Variants in SEC24B observed in about 807,000 individuals in gnomAD.
The protein encoded by SEC24B is protein transport protein Sec24B.
SEC24B carries 45 observed loss-of-function variants against 142.8 expected under a neutral mutation model. The ratio of observed to expected loss-of-function variants is 0.32; its 90% confidence interval spans 0.25 to 0.40. The LOEUF (loss-of-function observed/expected upper bound fraction) is 0.40, where lower values mean the gene tolerates loss of function less well. SEC24B is among the 10% of genes least tolerant of loss of function. The pLI, the probability that SEC24B is intolerant of heterozygous loss-of-function variation, is 1.00. For synonymous variants in SEC24B, 574 were observed against 568.2 expected (o/e 1.01, Z -0.15); for missense variants, 1,409 against 1,526.8 (o/e 0.92, Z 1.29).
intron 2 of SEC24B, among the ~76,000 whole-genome samples, chr4:109,468,711 A>C (rs1346875822): frequency 6.6e-6 from 1 of 152,224 alleles, no homozygotes; most frequent in African/African-American, 2.4e-5. Context: ...TTATTTATGC[A>C]GAAGACATGA....
rs949150896 is a variant in SEC24B, at chr4:109,521,437, G to T, written c.2319G>T (p.Leu773=). ...TTTCTCAGCTTATAAAAGACTTACT[G>T]AATGCATTACCAAACATGTTCACCA... ...YESKELIKDL[L]NALPNMFTNT... The change falls in exon 14 of 24, where the codon CTG becomes CTT. Residue 773 remains leucine, a synonymous_variant. Coordinates refer to ENST00000265175, the MANE Select transcript of SEC24B (RefSeq NM_006323.5). The T allele has an allele frequency of 6.2e-7, 1 of 1,613,612 alleles. No individual in the cohort carries two copies. Among genetic ancestry groups the T allele is most frequent in the African/African-American group, 1.3e-5 (1 of 74,906 alleles).
intron 8 of SEC24B, among the ~76,000 whole-genome samples, chr4:109,511,523 AT>A (rs1241698261): frequency 1.3e-5 from 2 of 152,012 alleles, no homozygotes; most frequent in African/African-American, 4.8e-5. Flanking sequence ...TAGAGATGTA[AT>A]TTTTTTTAAA....
rs773790896 is a variant in SEC24B, at chr4:109,511,937, T to C, written c.1777-20T>C. On this transcript the variant is annotated intron_variant, in intron 8 of 23. Coordinates refer to ENST00000265175, the MANE Select transcript of SEC24B (RefSeq NM_006323.5). ...TTGGGGTGCCTTTTTCTGCTACAGC[T>C]TCTTTATTTTATTTCCTAGCAATTA... 2 of 1,609,420 alleles carry C rather than the reference T, an allele frequency of 1.2e-6. No homozygotes were observed. The highest frequency in any genetic ancestry group is 2.2e-5 in the South Asian group (2 of 89,818).
At chr4:109,482,008 T>G (rs1733792206) in intron 4 of SEC24B, among the ~76,000 whole-genome samples, 1 of 152,244 alleles carries the variant, frequency 6.6e-6, no homozygotes, top group Non-Finnish European at 1.5e-5. Flanking sequence ...GAATTCCTCT[T>G]TCATGACAGT....
intron 1 of SEC24B, among the ~76,000 whole-genome samples, chr4:109,446,598 G>C (rs570274931): frequency 5.3e-5 from 8 of 152,280 alleles, no homozygotes; most frequent in Admixed American, 3.9e-4. Flanking sequence ...ACACACCTTA[G>C]ATATAATGAA....
intron 5 of SEC24B, among the ~76,000 whole-genome samples, chr4:109,494,033 GAA>G (rs1735282222): frequency 6.6e-6 from 1 of 152,226 alleles, no homozygotes; most frequent in Non-Finnish European, 1.5e-5. Context: ...GCAAATTAGA[GAA>G]AAGAGTAGTT....
chr4:109,450,273 G>A (rs1561067986), intron 1 of SEC24B, among the ~76,000 whole-genome samples: 1 of 152,074 alleles, frequency 6.6e-6, no homozygotes, highest in Non-Finnish European at 1.5e-5. Flanking sequence ...TATACCAAAT[G>A]ATTTGTGGGC....
At chr4:109,504,281 T>C (rs570743244) in intron 6 of SEC24B, among the ~76,000 whole-genome samples, 31 of 152,360 alleles carry the variant, frequency 2.0e-4, no homozygotes, top group Admixed American at 6.5e-4. Flanking sequence ...TCAGTCTATA[T>C]TCAGATTTTC....
intron 1 of SEC24B, among the ~76,000 whole-genome samples, chr4:109,457,429 C>T (rs1730795657): frequency 6.6e-6 from 1 of 152,318 alleles, no homozygotes; most frequent in Non-Finnish European, 1.5e-5. Flanking sequence ...GTGCCAGCAC[C>T]TGGCTAGGGC....
chr4:109,500,994 A>T (rs963693560), intron 6 of SEC24B, among the ~76,000 whole-genome samples: 1 of 152,110 alleles, frequency 6.6e-6, no homozygotes, highest in Non-Finnish European at 1.5e-5. Context: ...TAAAGCCTAA[A>T]TGTGTGTGTT....
chr4:109,445,593 G>A (rs1475141336), intron 1 of SEC24B, among the ~76,000 whole-genome samples: 5 of 148,694 alleles, frequency 3.4e-5, no homozygotes, highest in Admixed American at 6.8e-5. Context: ...TTTTGAGACA[G>A]GGTCTCACTC....
At chr4:109,442,406 G>A (rs1181035530) in intron 1 of SEC24B, among the ~76,000 whole-genome samples, 1 of 152,138 alleles carries the variant, frequency 6.6e-6, no homozygotes, top group African/African-American at 2.4e-5. Flanking sequence ...TTGTTAAAAT[G>A]AATACCTGGG....
intron 17 of SEC24B, among the ~76,000 whole-genome samples, chr4:109,527,076 G>T (rs1288278805): frequency 6.6e-6 from 1 of 151,868 alleles, no homozygotes; most frequent in Non-Finnish European, 1.5e-5. Flanking sequence ...AAAATTAGCT[G>T]GGTATGGTGG....
chr4:109,464,557 G>A (rs1731660218), intron 2 of SEC24B, among the ~76,000 whole-genome samples: 1 of 152,110 alleles, frequency 6.6e-6, no homozygotes, highest in South Asian at 2.1e-4. Context: ...CCTTTCCCTA[G>A]GATATATTCA....
In SEC24B at chr4:109,506,328, C is replaced by T; in HGVS notation, c.1489C>T (p.Gln497Ter). Residue 497 changes from glutamine (Q) to a stop codon, truncating the protein, a stop_gained and splice_region_variant, in exon 7 of 24, where the codon CAG becomes TAG. Transcript: ENST00000265175. LOFTEE classifies it high-confidence loss of function. ...ATTTTGTTTTGAATTGCTCTTTCAG[C>T]AGTATCCTGGTGTGAACCAGCTATC... Reference protein sequence around the residue: ...VYSGFQQYPQQYPGVNQLSSS... With the variant: ...VYSGFQQYPQ The T allele has an allele frequency of 1.3e-6, 2 of 1,522,658 alleles. No homozygotes were observed. Among genetic ancestry groups the T allele is most frequent in the Non-Finnish European group, 1.8e-6 (2 of 1,139,816 alleles). 94.3% of individuals were successfully genotyped at this position (1,522,658 alleles called of 1,614,324 possible).
At chr4:109,500,564 GACAAA>G (rs1031209039) in intron 6 of SEC24B, among the ~76,000 whole-genome samples, 2 of 135,906 alleles carry the variant, frequency 1.5e-5, no homozygotes, top group African/African-American at 2.7e-5. Flanking sequence ...AAAAAAAAAA[GACAAA>G]ACCCACAGTT....
At chr4:109,448,087 G>C (rs1041134361) in intron 1 of SEC24B, among the ~76,000 whole-genome samples, 1 of 152,052 alleles carries the variant, frequency 6.6e-6, no homozygotes, top group Non-Finnish European at 1.5e-5. Flanking sequence ...GATTATATTG[G>C]TCTCACCTGG....
At chr4:109,475,578 G>T (rs1733024172) in intron 3 of SEC24B, among the ~76,000 whole-genome samples, 1 of 151,802 alleles carries the variant, frequency 6.6e-6, no homozygotes, top group South Asian at 2.1e-4. Flanking sequence ...ACATTTTTTA[G>T]ATTGATATCT....
rs746677561 is a variant in SEC24B at position 109,473,078 on chromosome 4, T to A, written c.952T>A (p.Leu318Ile). ...GTCCAGCCCAGTGGTATCCACTGTTTTATCAGGATCCTCAGGATCCTCATC... is the reference window on the plus strand; with the variant it reads ...GTCCAGCCCAGTGGTATCCACTGTTATATCAGGATCCTCAGGATCCTCATC... ...PKSSPVVSTV[L>I]SGSSGSSSTR... Residue 318 changes from leucine (L) to isoleucine (I), a missense_variant, in exon 3 of 24, where the codon TTA becomes ATA. Around this residue, in one of 2 missense-constraint regions of SEC24B, gnomAD observed 709 missense variants for 673.5 expected, o/e 1.05. Coordinates refer to ENST00000265175, the MANE Select transcript of SEC24B (RefSeq NM_006323.5). 8 of 1,606,968 alleles carry A rather than the reference T, an allele frequency of 5.0e-6. No individual in the cohort carries two copies. The South Asian group carries it at 8.9e-5, about 18-fold the overall frequency.
Sources: allele counts gnomAD v4.1 joint callset (sites outside exome capture counted in the v4.1 genomes callset), GRCh38; gene constraint gnomAD v4.1.1; regional missense constraint gnomAD v4.1.1; transcripts MANE v1.5; gene names NCBI Gene and HGNC (gene_info 2026-07-23, HGNC 2026-07-21).